CEP112: variants seen among roughly 807,000 people sequenced by gnomAD.
The protein encoded by CEP112 is centrosomal protein 112.
A neutral mutation model predicts 153.0 loss-of-function variants in CEP112; 127 were observed. The observed-to-expected ratio is 0.83, with a 90% CI of 0.72 to 0.96. CEP112 has a LOEUF of 0.96. CEP112 is among the 40% of genes least tolerant of loss of function. CEP112 has a pLI of 0.00. For synonymous variants in CEP112, 358 were observed against 374.4 expected (o/e 0.96, Z 0.51); for missense variants, 1,089 against 1,101.2 (o/e 0.99, Z 0.16).
intron 18 of CEP112, among the ~76,000 whole-genome samples, chr17:65,942,407 T>C (rs565665963): frequency 4.6e-5 from 7 of 152,178 alleles, no homozygotes; most frequent in African/African-American, 7.2e-5. Flanking sequence ...TTATTTTTTT[T>C]TCCCTTATGT....
At chr17:66,149,288 T>C (rs1206107093) in intron 4 of CEP112, among the ~76,000 whole-genome samples, 5 of 152,330 alleles carry the variant, frequency 3.3e-5, no homozygotes, top group South Asian at 2.1e-4. Context: ...TATTGGCCTA[T>C]AGTTTTCTTT....
intron 24 of CEP112, among the ~76,000 whole-genome samples, chr17:65,680,798 A>C (rs1189632886): frequency 6.6e-6 from 1 of 152,196 alleles, no homozygotes. Context: ...ACTTACAATC[A>C]TGGCGGAAGG....
intron 18 of CEP112, among the ~76,000 whole-genome samples, chr17:65,944,728 C>T (rs2061600377): frequency 6.6e-6 from 1 of 151,840 alleles, no homozygotes; most frequent in Non-Finnish European, 1.5e-5. Flanking sequence ...TAACTGGTAC[C>T]ATAGTTACAT....
chr17:65,659,917 T>C (rs975029797), intron 24 of CEP112, among the ~76,000 whole-genome samples: 47 of 152,206 alleles, frequency 3.1e-4, no homozygotes, highest in African/African-American at 1.0e-3. Flanking sequence ...GTAGGAACTT[T>C]CAAGATGGAT....
chr17:65,883,783 A>G (rs1265738573), intron 20 of CEP112, among the ~76,000 whole-genome samples: 1 of 152,218 alleles, frequency 6.6e-6, no homozygotes, highest in Non-Finnish European at 1.5e-5. Flanking sequence ...AATAAGAGAT[A>G]AGGCAAGATT....
intron 17 of CEP112, among the ~76,000 whole-genome samples, chr17:65,962,872 C>T (rs2062263379): frequency 6.6e-6 from 1 of 152,228 alleles, no homozygotes; most frequent in East Asian, 1.9e-4. Context: ...CCACGTGGAA[C>T]TGTAAGTCCA....
At chr17:66,130,552 G>A (rs2070093676) in intron 5 of CEP112, among the ~76,000 whole-genome samples, 1 of 152,062 alleles carries the variant, frequency 6.6e-6, no homozygotes, top group Non-Finnish European at 1.5e-5. Flanking sequence ...GAGGCGGGCA[G>A]ATCACGAGGT....
At chr17:65,867,916 A>G (rs2058536751) in intron 20 of CEP112, among the ~76,000 whole-genome samples, 1 of 105,318 alleles carries the variant, frequency 9.5e-6, no homozygotes, top group Non-Finnish European at 2.0e-5. Flanking sequence ...ACCCATGGCT[A>G]TTTTTTCAAA....
rs6146121 is a variant in CEP112 at position 65,864,913 on chromosome 17, AGTGT to A, written c.2164-12883_2164-12880del. Among the ~76,000 whole-genome samples the A allele has an allele frequency of 9.1e-3, 1,318 of 144,494 alleles. 7 individuals are homozygous for A. Among genetic ancestry groups the A allele is most frequent in the Middle Eastern group, 0.018 (5 of 284 alleles). 94.8% of individuals were successfully genotyped at this position (144,494 alleles called of 152,430 possible). On this transcript the variant is annotated intron_variant, in intron 20 of 26. Transcript: ENST00000535342. ...TGGGTGGGCTTTTTAGGGGTAAGCA[AGTGT>A]GTGTGTGTGTGTGTGTGTGTGTGTG...
intron 22 of CEP112, among the ~76,000 whole-genome samples, chr17:65,745,908 A>G (rs999924949): frequency 6.6e-6 from 1 of 152,196 alleles, no homozygotes; most frequent in African/African-American, 2.4e-5. Flanking sequence ...CAGAACATTT[A>G]GGACAAAATA....
intron 24 of CEP112, among the ~76,000 whole-genome samples, chr17:65,684,426 CT>C (rs2047683562): frequency 1.3e-5 from 2 of 152,164 alleles, no homozygotes; most frequent in African/African-American, 4.8e-5. Context: ...GAATTTTGCT[CT>C]GTGTATGTTA....
At chr17:65,726,131 G>C (rs554308424) in intron 23 of CEP112, among the ~76,000 whole-genome samples, 80 of 152,026 alleles carry the variant, frequency 5.3e-4, no homozygotes, top group Non-Finnish European at 8.5e-4. Context: ...ACAAGTTCAG[G>C]AGTTTGAGAC....
At chr17:66,033,459 A>C (rs2065580080) in intron 12 of CEP112, among the ~76,000 whole-genome samples, 1 of 152,092 alleles carries the variant, frequency 6.6e-6, no homozygotes, top group Non-Finnish European at 1.5e-5. Flanking sequence ...ATGGCCTCTG[A>C]TTTCATCTCC....
intron 21 of CEP112, among the ~76,000 whole-genome samples, chr17:65,809,542 T>C (rs1179411174): frequency 6.6e-6 from 1 of 152,128 alleles, no homozygotes; most frequent in Non-Finnish European, 1.5e-5. Flanking sequence ...TGATGTAAGA[T>C]ATATTTGAAG....
intron 11 of CEP112, among the ~76,000 whole-genome samples, chr17:66,056,286 CA>C (rs1022753106): frequency 6.6e-6 from 1 of 152,156 alleles, no homozygotes; most frequent in Non-Finnish European, 1.5e-5. Flanking sequence ...AAAAGTATTA[CA>C]AAACCCCACA....
rs530627429 is a variant in CEP112 at position 66,162,420 on chromosome 17, C to T, written c.470+12624G>A. Among the ~76,000 whole-genome samples, 4 of 152,172 alleles carry T rather than the reference C, an allele frequency of 2.6e-5. No individual in the cohort carries two copies. In the East Asian group the frequency reaches 5.8e-4, roughly 22 times the overall value. ...ACTTTGAGAAATTTTATCAGCAGTG[C>T]CTACTATGATTACACTTCTAAGTCA... On this transcript the variant is annotated intron_variant, in intron 4 of 26. Transcript: ENST00000535342.
At chr17:65,927,482 A>G in intron 19 of CEP112, 100 bp downstream of exon 19, 5 of 678,472 alleles carry the variant, frequency 7.4e-6, no homozygotes, top group Middle Eastern at 6.2e-4. Context: ...GCTCTTAGTA[A>G]TATTTTCATT....
intron 17 of CEP112, among the ~76,000 whole-genome samples, chr17:65,969,695 A>C (rs1322511636): frequency 6.6e-6 from 1 of 150,996 alleles, no homozygotes; most frequent in Non-Finnish European, 1.5e-5. Flanking sequence ...TTGTATGCAT[A>C]TTACACGCAT....
At chr17:65,756,039 C>A (rs543837429) in intron 21 of CEP112, among the ~76,000 whole-genome samples, 4 of 152,134 alleles carry the variant, frequency 2.6e-5, no homozygotes, top group Non-Finnish European at 5.9e-5. Context: ...TCTAAGTATA[C>A]TCAGCCCTGG....
Sources: gnomAD v4.1 joint callset for allele counts (sites outside exome capture counted in the v4.1 genomes callset) on GRCh38, gnomAD v4.1.1 for gene constraint, MANE v1.5 for transcripts, NCBI Gene and HGNC (gene_info 2026-07-23, HGNC 2026-07-21) for gene names.